IMMP2L: variants seen among roughly 807,000 people sequenced by gnomAD.
The protein encoded by IMMP2L is mitochondrial inner membrane protease subunit 2.
In IMMP2L, 18 loss-of-function variants were observed where a neutral mutation model predicts 19.3. The ratio of observed to expected loss-of-function variants is 0.93; its 90% CI spans 0.64 to 1.38. The LOEUF is 1.38. IMMP2L is among the 40% of genes most tolerant of loss of function. The pLI is 0.00. For missense variants in IMMP2L, 233 were observed against 218.2 expected (o/e 1.07, Z -0.43); for synonymous variants, 76 against 73.0 (o/e 1.04, Z -0.21).
intron 5 of IMMP2L, among the ~76,000 whole-genome samples, chr7:110,672,454 C>T (rs1392221314): frequency 6.6e-6 from 1 of 152,088 alleles, no homozygotes; most frequent in Non-Finnish European, 1.5e-5. Context: ...ATCTCATGTC[C>T]TCTCATTTCA....
chr7:111,104,563 C>T (rs1798333183), intron 3 of IMMP2L, among the ~76,000 whole-genome samples: 1 of 151,234 alleles, frequency 6.6e-6, no homozygotes, highest in African/African-American at 2.4e-5. Flanking sequence ...TGGTTGCCAG[C>T]AATAGTTGTA....
intron 3 of IMMP2L, among the ~76,000 whole-genome samples, chr7:111,032,775 T>C (rs908044265): frequency 3.3e-5 from 5 of 151,868 alleles, no homozygotes; most frequent in African/African-American, 1.2e-4. Flanking sequence ...TGAGCCAAGA[T>C]TGCTCCACTG....
chr7:111,017,558 T>C (rs1825839560), intron 3 of IMMP2L, among the ~76,000 whole-genome samples: 2 of 152,268 alleles, frequency 1.3e-5, no homozygotes, highest in African/African-American at 2.4e-5. Flanking sequence ...CTCCCAGATA[T>C]GGAAATTGTC....
intron 5 of IMMP2L, among the ~76,000 whole-genome samples, chr7:110,856,300 TA>T (rs959005086): frequency 6.6e-6 from 1 of 152,054 alleles, no homozygotes; most frequent in South Asian, 2.1e-4. Context: ...TGTCAAACTT[TA>T]AAAAAAGTCC....
chr7:111,194,478 T>C (rs1809257315), intron 3 of IMMP2L, among the ~76,000 whole-genome samples: 1 of 152,140 alleles, frequency 6.6e-6, no homozygotes, highest in South Asian at 2.1e-4. Context: ...TTTGTAATTT[T>C]GTACCATAAT....
At chr7:111,516,575 A>G (rs1845886855) in intron 2 of IMMP2L, among the ~76,000 whole-genome samples, 1 of 152,142 alleles carries the variant, frequency 6.6e-6, no homozygotes, top group African/African-American at 2.4e-5. Flanking sequence ...CCCTGGCTAT[A>G]TAAAACAGAA....
At position 110,663,548 on chromosome 7, in the gene IMMP2L, T is replaced by C; in HGVS notation, c.*54A>G. The C allele has an allele frequency of 6.3e-7, 1 of 1,586,522 alleles. No individual in the cohort carries two copies. Among genetic ancestry groups the C allele is most frequent in the Non-Finnish European group, 8.6e-7 (1 of 1,158,242 alleles). ...CCCTTTTGGAGGCTTCTTTTTTCCATTCCTTTCCAGTAACTGGCCTCCCAA... is the reference window on the plus strand; with the variant it reads ...CCCTTTTGGAGGCTTCTTTTTTCCACTCCTTTCCAGTAACTGGCCTCCCAA... On this transcript the variant is annotated 3_prime_UTR_variant, in exon 6 of 6. Transcript: ENST00000405709.
chr7:111,062,301 C>A (rs1030715397), intron 3 of IMMP2L, among the ~76,000 whole-genome samples: 3 of 152,068 alleles, frequency 2.0e-5, no homozygotes, highest in African/African-American at 4.8e-5. Context: ...TTTTTAAAAC[C>A]ATCAGATTTC....
intron 5 of IMMP2L, among the ~76,000 whole-genome samples, chr7:110,665,496 T>A (rs1439224404): frequency 6.6e-6 from 1 of 152,242 alleles, no homozygotes; most frequent in Non-Finnish European, 1.5e-5. Context: ...ATTGTCCCAC[T>A]GATGTCTTCT....
chr7:110,855,210 T>C (rs1806636378), intron 5 of IMMP2L, among the ~76,000 whole-genome samples: 1 of 151,904 alleles, frequency 6.6e-6, no homozygotes, highest in Admixed American at 6.6e-5. Flanking sequence ...CAAGAAGAAA[T>C]TGCTGCTAAC....
chr7:111,037,707 T>G (rs1791484993), intron 3 of IMMP2L, among the ~76,000 whole-genome samples: 1 of 152,172 alleles, frequency 6.6e-6, no homozygotes, highest in African/African-American at 2.4e-5. Flanking sequence ...ATACTGAGAT[T>G]TGCATAATAG....
intron 3 of IMMP2L, among the ~76,000 whole-genome samples, chr7:111,291,594 G>T (rs1821111928): frequency 6.6e-6 from 1 of 151,906 alleles, no homozygotes; most frequent in Non-Finnish European, 1.5e-5. Context: ...TATAATGATG[G>T]TTATCAGGGG....
At chr7:111,411,576 C>A in intron 3 of IMMP2L, 2 of 321,410 alleles carry the variant, frequency 6.2e-6, no homozygotes, top group South Asian at 6.2e-5. Flanking sequence ...CTTCAACAGG[C>A]TGATTTAGAC....
rs143916586 is a variant in IMMP2L at position 110,785,303 on chromosome 7, G to A, written c.408+101290C>T. 4.9e-3 allele frequency among the ~76,000 whole-genome samples: 745 copies of A among 151,996 alleles called. 7 individuals are homozygous for A. The highest frequency in any genetic ancestry group is 0.016 in the African/African-American group (676 of 41,502). On this transcript the variant is annotated intron_variant, in intron 5 of 5. Transcript: ENST00000405709. Reference sequence around the variant, plus strand: ...TGCTTATTATCACTTTTAAGTAATGGTCATTTTAAAATAATATATCTTCTT... The same window carrying A: ...TGCTTATTATCACTTTTAAGTAATGATCATTTTAAAATAATATATCTTCTT...
At chr7:111,301,875 C>T (rs186245440) in intron 3 of IMMP2L, among the ~76,000 whole-genome samples, 108 of 115,438 alleles carry the variant, frequency 9.4e-4, no homozygotes, top group Middle Eastern at 7.1e-3. Context: ...TAGGTCTTAT[C>T]AAAATGGTTT....
rs1477655985 is a variant in IMMP2L, at chr7:110,949,748, A to G, written c.305+13752T>C. Reference sequence around the variant, plus strand: ...TCTGCTGCAGAGACAAGAAAAATATATTAAAAAAACAGTAAGTGCAATTTC... The same window carrying G: ...TCTGCTGCAGAGACAAGAAAAATATGTTAAAAAAACAGTAAGTGCAATTTC... On this transcript the variant is annotated intron_variant, in intron 4 of 5. Coordinates refer to ENST00000405709, the MANE Select transcript of IMMP2L (RefSeq NM_032549.4). Among the ~76,000 whole-genome samples the G allele has an allele frequency of 1.3e-5, 2 of 152,170 alleles. 1 individual carries two copies. Among genetic ancestry groups the G allele is most frequent in the Non-Finnish European group, 2.9e-5 (2 of 68,032 alleles).
chr7:110,962,670 T>TG, intron 4 of IMMP2L: 8 of 971,526 alleles, frequency 8.2e-6, no homozygotes, highest in Non-Finnish European at 9.8e-6. Flanking sequence ...TGGGATCCTC[T>TG]GGCCATGCTG....
chr7:110,879,127 C>A (rs1809374605), intron 5 of IMMP2L, among the ~76,000 whole-genome samples: 1 of 152,002 alleles, frequency 6.6e-6, no homozygotes. Context: ...CGCGGTGGCT[C>A]ATAGTATAAT....
At chr7:111,142,835 T>A (rs1803077697) in intron 3 of IMMP2L, among the ~76,000 whole-genome samples, 1 of 152,182 alleles carries the variant, frequency 6.6e-6, no homozygotes. Context: ...GATGAACAAC[T>A]CTCACGGTCC....
Sources: gnomAD v4.1 joint callset for allele counts (sites outside exome capture counted in the v4.1 genomes callset) on GRCh38, gnomAD v4.1.1 for gene constraint, MANE v1.5 for transcripts, NCBI Gene and HGNC (gene_info 2026-07-23, HGNC 2026-07-21) for gene names.